CTNNA2: variants seen among roughly 807,000 people sequenced by gnomAD.
CTNNA2 encodes the protein catenin alpha 2, also known as catenin alpha-2.
In CTNNA2, 42 loss-of-function variants were observed where a neutral mutation model predicts 101.0. That is an observed-to-expected ratio of 0.42 (90% confidence interval 0.32 to 0.54). The LOEUF (loss-of-function observed/expected upper bound fraction) is 0.54, where lower values mean the gene tolerates loss of function less well. Among genes scored for constraint, CTNNA2 ranks in the 20% least tolerant of loss-of-function variants. The probability of loss-of-function intolerance (pLI) is 0.14; values close to 1 mark genes in which losing one functional copy is unlikely to be tolerated. For missense variants in CTNNA2, 871 were observed against 1,223.1 expected (o/e 0.71, Z 4.29); for synonymous variants, 450 against 456.4 (o/e 0.99, Z 0.18).
intron 4 of CTNNA2, among the ~76,000 whole-genome samples, chr2:79,403,895 A>G (rs115274657): frequency 0.011 from 1,685 of 152,096 alleles, 34 homozygotes; most frequent in African/African-American, 0.039. Context: ...ATATCCTAGC[A>G]TTCACACACC....
At chr2:80,570,988 C>T (rs913805041) in intron 12 of CTNNA2, among the ~76,000 whole-genome samples, 10 of 152,070 alleles carry the variant, frequency 6.6e-5, no homozygotes, top group South Asian at 2.1e-4. Context: ...CTCACCCTTG[C>T]GGGAAGTATC....
At chr2:80,428,255 A>T (rs1291665289) in intron 9 of CTNNA2, among the ~76,000 whole-genome samples, 1 of 152,214 alleles carries the variant, frequency 6.6e-6, no homozygotes, top group African/African-American at 2.4e-5. Flanking sequence ...GTTTACTCAG[A>T]TATTGAGTTC....
intron 12 of CTNNA2, among the ~76,000 whole-genome samples, chr2:80,567,935 C>T (rs372123438): frequency 6.6e-6 from 1 of 152,016 alleles, no homozygotes; most frequent in South Asian, 2.1e-4. Flanking sequence ...CGAACAGGGG[C>T]TTTGTCTATT....
intron 7 of CTNNA2, among the ~76,000 whole-genome samples, chr2:80,053,273 G>T (rs1018274062): frequency 6.6e-6 from 1 of 152,120 alleles, no homozygotes; most frequent in African/African-American, 2.4e-5. Context: ...GTTTCAAGGT[G>T]ACTTCTTCCA....
chr2:80,328,097 G>C (rs977454197), intron 7 of CTNNA2, among the ~76,000 whole-genome samples: 2 of 152,156 alleles, frequency 1.3e-5, no homozygotes, highest in East Asian at 3.9e-4. Flanking sequence ...GTGATGAGGA[G>C]AGCTCTCTGG....
At chr2:80,394,943 T>C (rs561450981) in intron 8 of CTNNA2, among the ~76,000 whole-genome samples, 5 of 151,336 alleles carry the variant, frequency 3.3e-5, no homozygotes, top group Non-Finnish European at 7.4e-5. Context: ...CTTCCCATCT[T>C]CCTGATCCCT....
intron 2 of CTNNA2, among the ~76,000 whole-genome samples, chr2:79,219,018 A>T (rs1487891990): frequency 6.6e-6 from 1 of 152,182 alleles, no homozygotes; most frequent in Non-Finnish European, 1.5e-5. Flanking sequence ...GGGTGTGTGT[A>T]TGTATGTATA....
chr2:79,946,539 T>G (rs2104475230), intron 7 of CTNNA2, among the ~76,000 whole-genome samples: 1 of 152,320 alleles, frequency 6.6e-6, no homozygotes, highest in African/African-American at 2.4e-5. Flanking sequence ...AAATGTCTGG[T>G]GTAGTCCAAT....
rs563525307 is a variant in CTNNA2 at position 80,332,333 on chromosome 2, C to T, written c.1057-60878C>T. Among the ~76,000 whole-genome samples, 30 of 152,220 alleles carry T rather than the reference C, an allele frequency of 2.0e-4. No homozygotes were observed. The South Asian group carries it at 6.2e-3, about 32-fold the overall frequency. On this transcript the variant is annotated intron_variant, in intron 7 of 18. Coordinates refer to ENST00000402739, the MANE Select transcript of CTNNA2 (RefSeq NM_001282597.3). ...CCCATGAAGCTGGCAGCCTCTGGAT[C>T]TTTGGGTTGTCTGTTTTTACTGGCT... is the stretch of plus-strand genomic sequence containing the variant.
intron 2 of CTNNA2, among the ~76,000 whole-genome samples, chr2:79,738,313 A>T (rs1671042612): frequency 6.6e-6 from 1 of 152,168 alleles, no homozygotes; most frequent in Non-Finnish European, 1.5e-5. Context: ...CTTTAAGGAG[A>T]GGCAGAGAGA....
chr2:80,416,403 C>T (rs1433741721), intron 8 of CTNNA2, among the ~76,000 whole-genome samples: 1 of 152,214 alleles, frequency 6.6e-6, no homozygotes, highest in East Asian at 1.9e-4. Context: ...TGTGTTTCTA[C>T]TGACATTTCT....
intron 7 of CTNNA2, among the ~76,000 whole-genome samples, chr2:80,092,957 G>A (rs1044124353): frequency 2.0e-5 from 3 of 151,600 alleles, no homozygotes; most frequent in Admixed American, 1.3e-4. Context: ...TAAGGATAGA[G>A]GCATTTGTTT....
chr2:80,161,295 C>T (rs754569277), intron 7 of CTNNA2, among the ~76,000 whole-genome samples: 32 of 152,176 alleles, frequency 2.1e-4, no homozygotes, highest in African/African-American at 2.9e-4. Context: ...GGATTACAGG[C>T]GTGAGCCCCC....
chr2:79,437,101 G>A (rs898661918), intron 4 of CTNNA2, among the ~76,000 whole-genome samples: 1 of 152,102 alleles, frequency 6.6e-6, no homozygotes, highest in Admixed American at 6.5e-5. Flanking sequence ...GGGTATGGTG[G>A]TGTGTGCCTG....
At chr2:79,783,043 T>C (rs1252382078) in intron 3 of CTNNA2, among the ~76,000 whole-genome samples, 1 of 152,056 alleles carries the variant, frequency 6.6e-6, no homozygotes, top group African/African-American at 2.4e-5. Context: ...TTGTGCTTAG[T>C]AATTTTTGGT....
chr2:79,927,909 G>A (rs563144431), intron 7 of CTNNA2, among the ~76,000 whole-genome samples: 6 of 152,052 alleles, frequency 3.9e-5, no homozygotes, highest in Non-Finnish European at 8.8e-5. Flanking sequence ...TAGTGGACAG[G>A]CCAGTATCTG....
rs963103727 is a variant in CTNNA2, at chr2:80,438,693, G to T, written c.1290+19092G>T. Among the ~76,000 whole-genome samples, 3 of 151,156 alleles carry T rather than the reference G, an allele frequency of 2.0e-5. No individual in the cohort carries two copies. The South Asian group carries it at 6.2e-4, about 31-fold the overall frequency. On this transcript the variant is annotated intron_variant, in intron 9 of 18. Transcript: ENST00000402739. ...GGAGTTCCTTGAACTCTAGAGTCTG[G>T]TCCAGGCTGTTGCAGTGAGTCGAGA...
chr2:79,318,822 C>T (rs950258559), intron 3 of CTNNA2, among the ~76,000 whole-genome samples: 4 of 152,180 alleles, frequency 2.6e-5, no homozygotes, highest in Non-Finnish European at 4.4e-5. Context: ...AAAATGTTTA[C>T]GTTCTGGCCG....
At chr2:79,494,087 AAG>A (rs952913275) in intron 4 of CTNNA2, among the ~76,000 whole-genome samples, 2 of 152,172 alleles carry the variant, frequency 1.3e-5, no homozygotes, top group African/African-American at 4.8e-5. Flanking sequence ...TATAATTAAA[AAG>A]AAAGAATTTG....
Sources: allele counts gnomAD v4.1 joint callset (sites outside exome capture counted in the v4.1 genomes callset), GRCh38; gene constraint gnomAD v4.1.1; transcripts MANE v1.5; gene names NCBI Gene and HGNC (gene_info 2026-07-23, HGNC 2026-07-21).